FOXN2: variants seen among roughly 807,000 people sequenced by gnomAD.
FOXN2 encodes the protein forkhead box protein N2.
FOXN2 carries 19 observed loss-of-function variants against 41.2 expected under a neutral mutation model. That is an observed-to-expected ratio of 0.46 (90% CI 0.32 to 0.68). The LOEUF (loss-of-function observed/expected upper bound fraction) is 0.68, where lower values mean the gene tolerates loss of function less well. FOXN2 is among the 30% of genes least tolerant of loss of function. The pLI is 0.03. For synonymous variants in FOXN2, 195 were observed against 176.8 expected, an observed-to-expected ratio of 1.10 and a Z score of -0.82; for missense variants, 587 against 509.4, an observed-to-expected ratio of 1.15 and a Z score of -1.47.
chr2:48,328,965 A>G (rs1220014917), intron 2 of FOXN2, among the ~76,000 whole-genome samples: 1 of 151,996 alleles, frequency 6.6e-6, no homozygotes, highest in Non-Finnish European at 1.5e-5. Flanking sequence ...TTTTTTTTTA[A>G]CCTTTGTTCA....
intron 3 of FOXN2, among the ~76,000 whole-genome samples, chr2:48,358,736 A>C (rs1363949916): frequency 6.6e-6 from 1 of 152,224 alleles, no homozygotes; most frequent in Non-Finnish European, 1.5e-5. Context: ...TTATCTAAAT[A>C]ATTGTTAATG....
chr2:48,317,657 G>A (rs1382824066), intron 1 of FOXN2, among the ~76,000 whole-genome samples: 3 of 121,450 alleles, frequency 2.5e-5, no homozygotes, highest in Non-Finnish European at 3.2e-5. Context: ...TCCCAGGCTG[G>A]AGTGCAGTGG....
At chr2:48,337,255 C>A (rs1670426674) in intron 2 of FOXN2, among the ~76,000 whole-genome samples, 1 of 151,578 alleles carries the variant, frequency 6.6e-6, no homozygotes, top group Non-Finnish European at 1.5e-5. Context: ...AACATGATCT[C>A]CAGTTCCATC....
chr2:48,316,330 T>C (rs1572683709), intron 1 of FOXN2, among the ~76,000 whole-genome samples: 1 of 152,118 alleles, frequency 6.6e-6, no homozygotes, highest in Non-Finnish European at 1.5e-5. Context: ...AGTAGTGCAT[T>C]ATGGAGTTTG....
At chr2:48,365,586 T>C (rs1672479619) in intron 5 of FOXN2, among the ~76,000 whole-genome samples, 1 of 152,244 alleles carries the variant, frequency 6.6e-6, no homozygotes, top group African/African-American at 2.4e-5. Flanking sequence ...TTCACCTGCA[T>C]GTTTTTCATT....
intron 3 of FOXN2, among the ~76,000 whole-genome samples, chr2:48,357,964 G>C (rs1010900542): frequency 6.6e-6 from 1 of 151,248 alleles, no homozygotes; most frequent in Non-Finnish European, 1.5e-5. Context: ...TGATAATCCA[G>C]TGCATTTCTT....
At chr2:48,373,952 G>C (rs1277755159) in intron 6 of FOXN2, among the ~76,000 whole-genome samples, 3 of 151,998 alleles carry the variant, frequency 2.0e-5, no homozygotes, top group Non-Finnish European at 4.4e-5. Flanking sequence ...CTACTCAGGA[G>C]GCTGAGGTGG....
intron 1 of FOXN2, among the ~76,000 whole-genome samples, chr2:48,325,695 C>G (rs546603409): frequency 6.6e-6 from 1 of 152,162 alleles, no homozygotes; most frequent in East Asian, 1.9e-4. Flanking sequence ...CTAGCTCTGC[C>G]CTTATGAAGC....
At chr2:48,323,949 A>G (rs933364400) in intron 1 of FOXN2, among the ~76,000 whole-genome samples, 23 of 152,084 alleles carry the variant, frequency 1.5e-4, no homozygotes, top group African/African-American at 4.6e-4. Flanking sequence ...TGGCTATCCA[A>G]TTTAGTAGTG....
At chr2:48,321,301 C>T (rs1669298617) in intron 1 of FOXN2, among the ~76,000 whole-genome samples, 1 of 151,970 alleles carries the variant, frequency 6.6e-6, no homozygotes, top group Admixed American at 6.6e-5. Context: ...TTTGGGAGGC[C>T]AGGGTGGGCG....
intron 2 of FOXN2, among the ~76,000 whole-genome samples, chr2:48,334,732 T>A (rs1256239899): frequency 1.3e-5 from 2 of 152,214 alleles, no homozygotes; most frequent in Non-Finnish European, 2.9e-5. Context: ...AAGCAAAGCC[T>A]AGACCCAGTC....
intron 1 of FOXN2, among the ~76,000 whole-genome samples, chr2:48,315,470 G>C (rs1277585191): frequency 1.3e-5 from 2 of 152,228 alleles, no homozygotes; most frequent in Non-Finnish European, 2.9e-5. Flanking sequence ...GAGGGTGGCT[G>C]TCTTGGGAGC....
intron 4 of FOXN2, among the ~76,000 whole-genome samples, chr2:48,360,975 C>T (rs1302676846): frequency 6.7e-6 from 1 of 148,644 alleles, no homozygotes; most frequent in Non-Finnish European, 1.5e-5. Flanking sequence ...GATGGTGCTA[C>T]TGCACTCCAG....
intron 3 of FOXN2, among the ~76,000 whole-genome samples, chr2:48,357,193 CAA>C (rs1671849539): frequency 6.6e-6 from 1 of 152,144 alleles, no homozygotes; most frequent in Non-Finnish European, 1.5e-5. Context: ...AGACCATACT[CAA>C]GATACTTAAC....
At chr2:48,351,319 C>G (rs1372144761) in intron 3 of FOXN2, among the ~76,000 whole-genome samples, 1 of 152,124 alleles carries the variant, frequency 6.6e-6, no homozygotes, top group African/African-American at 2.4e-5. Flanking sequence ...CCTCTATCGC[C>G]CAGGCTGGAG....
At chr2:48,323,828 G>A (rs756349938) in intron 1 of FOXN2, among the ~76,000 whole-genome samples, 2 of 151,618 alleles carry the variant, frequency 1.3e-5, no homozygotes, top group Non-Finnish European at 2.9e-5. Flanking sequence ...GTTTTTTCTC[G>A]GTTTTCTTCT....
At chr2:48,366,465 A>T (rs935470661) in intron 5 of FOXN2, among the ~76,000 whole-genome samples, 2 of 152,098 alleles carry the variant, frequency 1.3e-5, no homozygotes, top group East Asian at 3.9e-4. Context: ...AATCATAACA[A>T]TAGAGAGAGT....
chr2:48,367,731 T>C (rs1326507640), intron 5 of FOXN2, among the ~76,000 whole-genome samples: 16 of 152,246 alleles, frequency 1.1e-4, no homozygotes, highest in Admixed American at 1.0e-3. Flanking sequence ...TACTCTCATA[T>C]GGCTAAAACT....
chr2:48,341,900 A>G (rs1558622687), intron 2 of FOXN2, among the ~76,000 whole-genome samples: 1 of 152,238 alleles, frequency 6.6e-6, no homozygotes, highest in Non-Finnish European at 1.5e-5. Context: ...CGTGTTATGG[A>G]AAAGGTTTGT....
Sources: gnomAD v4.1 joint callset for allele counts (sites outside exome capture counted in the v4.1 genomes callset) on GRCh38, gnomAD v4.1.1 for gene constraint, MANE v1.5 for transcripts, NCBI Gene and HGNC (gene_info 2026-07-23, HGNC 2026-07-21) for gene names.